The following FMN1 variants were observed in gnomAD, a reference collection of about 807,000 sequenced individuals.
The protein encoded by FMN1 is formin-1.
Under a neutral mutation model 132.4 loss-of-function variants are expected in FMN1, and 110 were observed. That is an observed-to-expected ratio of 0.83 (90% CI 0.71 to 0.97). The LOEUF is 0.97. FMN1 is among the 50% of genes least tolerant of loss of function. The pLI is 0.00. For missense variants in FMN1, 1,792 were observed against 1,705.3 expected (o/e 1.05, Z -0.90); for synonymous variants, 722 against 651.7 (o/e 1.11, Z -1.64).
intron 6 of FMN1, among the ~76,000 whole-genome samples, chr15:33,060,275 C>A (rs2037423473): frequency 1.3e-5 from 2 of 152,170 alleles, no homozygotes; most frequent in Non-Finnish European, 2.9e-5. Context: ...ACTAACGCAG[C>A]CTGTTAGCTA....
At chr15:32,989,486 G>A (rs182820802) in intron 7 of FMN1, among the ~76,000 whole-genome samples, 1 of 152,090 alleles carries the variant, frequency 6.6e-6, no homozygotes, top group East Asian at 1.9e-4. Flanking sequence ...GAAAGTGTAG[G>A]GAAATAGCGG....
rs540046793 is a variant in FMN1, at chr15:33,026,221, G to A, written c.2162-18146C>T. ...GGAGAGTTAATCATCTCTGGGGAAA[G>A]AGGCAGAGAAATTGAATAAAGGGAG... On this transcript the variant is annotated intron_variant, in intron 6 of 20. Coordinates refer to ENST00000616417, the MANE Select transcript of FMN1 (RefSeq NM_001277313.2). Among the ~76,000 whole-genome samples, 4 of 151,420 alleles carry A rather than the reference G, an allele frequency of 2.6e-5. No individual in the cohort carries two copies. The East Asian group carries it at 5.9e-4, about 22-fold the overall frequency.
At chr15:32,996,062 C>T (rs1233709079) in intron 7 of FMN1, among the ~76,000 whole-genome samples, 1 of 152,198 alleles carries the variant, frequency 6.6e-6, no homozygotes, top group Non-Finnish European at 1.5e-5. Flanking sequence ...GTAAACTAAA[C>T]ATGCTGCTGC....
At chr15:33,136,098 A>T (rs899810313) in intron 4 of FMN1, among the ~76,000 whole-genome samples, 3 of 152,242 alleles carry the variant, frequency 2.0e-5, no homozygotes, top group African/African-American at 7.2e-5. Flanking sequence ...TGTGTTCACT[A>T]CTTAAGTTCA....
chr15:32,802,271 T>C (rs1025250165), intron 18 of FMN1, among the ~76,000 whole-genome samples: 1 of 152,192 alleles, frequency 6.6e-6, no homozygotes, highest in Non-Finnish European at 1.5e-5. Flanking sequence ...CAGACAATGA[T>C]TACATCAAAG....
At chr15:32,967,966 T>G (rs2140643021) in intron 8 of FMN1, among the ~76,000 whole-genome samples, 1 of 152,340 alleles carries the variant, frequency 6.6e-6, no homozygotes, top group Admixed American at 6.5e-5. Context: ...CCTTCCAGGC[T>G]CAGAAATAAG....
At chr15:32,805,781 G>A (rs1189353144) in intron 17 of FMN1, among the ~76,000 whole-genome samples, 1 of 143,830 alleles carries the variant, frequency 7.0e-6, no homozygotes, top group African/African-American at 2.4e-5. Flanking sequence ...GTGCTGCTCA[G>A]AGTCATGGGA....
chr15:32,777,724 TAATA>T lies in FMN1; in HGVS notation c.4131-809_4131-806del, dbSNP rs767847318. On this transcript the variant is annotated intron_variant, in intron 19 of 20. Transcript: ENST00000616417. ...AACACATTTACTTATATATTACGTA[TAATA>T]TATAATACATTTACTTATATATTAT... Among the ~76,000 whole-genome samples, 5 of 141,788 alleles carry T rather than the reference TAATA, an allele frequency of 3.5e-5. No individual in the cohort carries two copies. In the East Asian group the frequency reaches 8.4e-4, roughly 24 times the overall value. The allele number at this position is 141,788 out of a possible 152,430, so 93.0% of individuals were successfully genotyped here.
At chr15:32,863,805 A>G (rs2059332731) in intron 16 of FMN1, among the ~76,000 whole-genome samples, 1 of 152,220 alleles carries the variant, frequency 6.6e-6, no homozygotes, top group Non-Finnish European at 1.5e-5. Flanking sequence ...TCCTGCCCCC[A>G]AACACACTTT....
At chr15:32,904,726 T>C (rs748413510) in intron 12 of FMN1, among the ~76,000 whole-genome samples, 9 of 151,966 alleles carry the variant, frequency 5.9e-5, no homozygotes, top group African/African-American at 9.7e-5. Context: ...AGGAAAAAAA[T>C]AGAGTTTTAT....
intron 9 of FMN1, among the ~76,000 whole-genome samples, chr15:32,930,607 T>A (rs2140379609): frequency 6.6e-6 from 1 of 152,274 alleles, no homozygotes. Flanking sequence ...TTTGCAAATA[T>A]TTTTTCCCAT....
chr15:33,066,453 G>C lies in FMN1; in HGVS notation c.2044-1379C>G, dbSNP rs186570558. ...AGGATTCACTTTGGGAGGAAACCTG[G>C]AAAGAAATACAGCAGCACCATATTT... On this transcript the variant is annotated intron_variant, in intron 5 of 20. Coordinates refer to ENST00000616417, the MANE Select transcript of FMN1 (RefSeq NM_001277313.2). 14 of 1,374,246 alleles carry C rather than the reference G, an allele frequency of 1.0e-5. No homozygotes were observed. The Admixed American group carries it at 3.8e-4, about 37-fold the overall frequency. The allele number at this position is 1,374,246 out of a possible 1,614,324, so 85.1% of individuals were successfully genotyped here.
chr15:32,817,380 C>T (rs1323606187), intron 17 of FMN1, among the ~76,000 whole-genome samples: 1 of 152,200 alleles, frequency 6.6e-6, no homozygotes, highest in African/African-American at 2.4e-5. Context: ...TTGCTTACAA[C>T]ATCAAATTAC....
At chr15:32,785,218 A>ATATTTTT (rs1444523400) in intron 19 of FMN1, among the ~76,000 whole-genome samples, 1 of 39,198 alleles carries the variant, frequency 2.6e-5, no homozygotes, top group Non-Finnish European at 4.5e-5. Flanking sequence ...ATATATATAT[A>ATATTTTT]TTTTTTTTTT....
chr15:33,061,509 A>G (rs1187321919), intron 6 of FMN1, among the ~76,000 whole-genome samples: 1 of 151,994 alleles, frequency 6.6e-6, no homozygotes, highest in African/African-American at 2.4e-5. Context: ...ATAGTTTTAT[A>G]AGACACGCTC....
intron 3 of FMN1, among the ~76,000 whole-genome samples, chr15:33,163,664 C>T (rs1964986911): frequency 6.6e-6 from 1 of 151,042 alleles, no homozygotes; most frequent in Non-Finnish European, 1.5e-5. Context: ...GTTGCCGAGG[C>T]TGGAGTACAG....
At chr15:32,840,476 A>T (rs547106118) in intron 17 of FMN1, among the ~76,000 whole-genome samples, 1 of 152,240 alleles carries the variant, frequency 6.6e-6, no homozygotes, top group Admixed American at 6.5e-5. Context: ...CAGCATGCCC[A>T]AAACCTCTCA....
chr15:32,848,346 G>GCA (rs1258747284), intron 17 of FMN1, among the ~76,000 whole-genome samples: 6,172 of 71,848 alleles, frequency 0.086, 417 homozygotes, highest in African/African-American at 0.19. Flanking sequence ...ACGTGTGTGT[G>GCA]CGTGCACACG....
intron 4 of FMN1, among the ~76,000 whole-genome samples, chr15:33,147,240 T>C (rs539161542): frequency 3.3e-4 from 50 of 152,008 alleles, no homozygotes; most frequent in Non-Finnish European, 6.2e-4. Flanking sequence ...CAGTTTGATA[T>C]AATACTTGTA....
Sources: gnomAD v4.1 joint callset for allele counts (sites outside exome capture counted in the v4.1 genomes callset) on GRCh38, gnomAD v4.1.1 for gene constraint, MANE v1.5 for transcripts, NCBI Gene and HGNC (gene_info 2026-07-23, HGNC 2026-07-21) for gene names.